Variants in RGS14 observed in about 807,000 individuals in gnomAD.
RGS14 encodes the protein regulator of G protein signaling 14.
In RGS14, 33 loss-of-function variants were observed where a neutral mutation model predicts 63.8. The ratio of observed to expected loss-of-function variants is 0.52; its 90% CI spans 0.39 to 0.69. The LOEUF is 0.69. Among genes scored for constraint, RGS14 ranks in the 30% least tolerant of loss-of-function variants. RGS14 has a pLI of 0.00. For synonymous variants in RGS14, 296 were observed against 320.9 expected (o/e 0.92, Z 0.83); for missense variants, 739 against 742.9 (o/e 0.99, Z 0.06).
intron 5 of RGS14, 59 bp from the exon 6 acceptor site, chr5:177,367,355 C>T: frequency 6.6e-7 from 1 of 1,522,724 alleles, no homozygotes; most frequent in Non-Finnish European, 8.9e-7. Flanking sequence ...GGCCTGGGTG[C>T]AGGCAGCCCA....
chr5:177,368,274 G>T lies in RGS14; in HGVS notation c.849+8G>T. On this transcript the variant is annotated splice_region_variant and intron_variant, in intron 8 of 14. Transcript: ENST00000408923. ...GTCAGCAGCAAATCTGAGGTGAGCC[G>T]ACTGTTGGGGAAGACAAGATGCTCT... The T allele has an allele frequency of 2.5e-6, 4 of 1,605,690 alleles. No individual in the cohort carries two copies. Among genetic ancestry groups the T allele is most frequent in the South Asian group, 2.2e-5 (2 of 90,304 alleles).
intron 9 of RGS14, 24 bp from the exon 10 acceptor site, chr5:177,370,567 G>C: frequency 6.2e-7 from 1 of 1,611,922 alleles, no homozygotes; most frequent in South Asian, 1.1e-5. Context: ...GGGACTCTTA[G>C]ACCCTGCCTG....
chr5:177,358,022 G>T lies in RGS14; in HGVS notation c.-3G>T. 1 of 1,359,118 alleles carries T rather than the reference G, an allele frequency of 7.4e-7. No individual in the cohort carries two copies. Among genetic ancestry groups the T allele is most frequent in the Non-Finnish European group, 9.6e-7 (1 of 1,045,988 alleles). The allele number at this position is 1,359,118 out of a possible 1,614,324, so 84.2% of individuals were successfully genotyped here. On this transcript the variant is annotated 5_prime_UTR_variant, in exon 1 of 15. Transcript: ENST00000408923. The surrounding 1 kb of genome is among the most constrained non-coding windows in gnomAD (Gnocchi z 4.8). ...GCGGCGGGGACCCCTGATCGGCAGC[G>T]GCATGCCAGGGAAGCCCAAGCACCT... is the stretch of plus-strand genomic sequence containing the variant.
intron 4 of RGS14, 27 bp downstream of exon 4, chr5:177,366,827 G>C: frequency 1.2e-6 from 2 of 1,614,132 alleles, no homozygotes. Flanking sequence ...CTGGGGCCGA[G>C]GGCTGGGGAG....
chr5:177,368,120 G>C (rs778420400), intron 7 of RGS14, 37 bp from the exon 8 acceptor site: 2 of 1,602,052 alleles, frequency 1.2e-6, no homozygotes, highest in Non-Finnish European at 1.7e-6. Flanking sequence ...GGGTGAGGGC[G>C]GGGGGCTGTT....
Position 177,368,720 on chromosome 5 carries a change from C to A in RGS14, c.853C>A (p.His285Asn). ...LAFVSSKSES[H>N]RKSLGSTEGE... ...CCCCACTCCTGCCATGAATCAGAGC[C>A]ACCGGAAGAGCCTTGGGAGCACGGA... Residue 285 changes from histidine (H) to asparagine (N), a missense_variant, in exon 9 of 15, where the codon CAC (histidine) becomes AAC (asparagine). By Grantham distance (68) the His-to-Asn change is moderately conservative. Transcript: ENST00000408923. 4 of 1,614,000 alleles carry A rather than the reference C, an allele frequency of 2.5e-6. No homozygotes were observed. Among genetic ancestry groups the A allele is most frequent in the Non-Finnish European group, 2.5e-6 (3 of 1,179,948 alleles).
At position 177,371,078 on chromosome 5, in the gene RGS14, GCCGGGGC is replaced by G. The variant is rs1561618756; in HGVS notation, c.1254+49_1254+55del. 9.5e-5 allele frequency: 29 copies of G among 306,592 alleles called. No homozygotes were observed. In the African/African-American group the frequency reaches 1.2e-3, roughly 12 times the overall value. The allele number at this position is 306,592 out of a possible 1,614,324, so 19.0% of individuals were successfully genotyped here. A position where few individuals can be genotyped will look rare whatever the true frequency, so the allele number is the denominator to read the frequency against. On this transcript the variant is annotated intron_variant, in intron 11 of 14. Transcript: ENST00000408923. The surrounding 1 kb of genome is among the most constrained non-coding windows in gnomAD (Gnocchi z 6.1). ...CGGGGCGGGGCGGGGCCGGGCCGGG[GCCGGGGC>G]CGGGGCCGGGGCCGGGGCCGGGGCC...
At position 177,371,991 on chromosome 5, in the gene RGS14, C is replaced by G; in HGVS notation, c.1617C>G (p.Ser539Arg). The G allele has an allele frequency of 6.2e-7, 1 of 1,614,172 alleles. No individual in the cohort carries two copies. ...EFLQLPAQGP[S>R]SEETPPQTKS... ...TGCAGCTGCCCGCCCAAGGGCCCAG[C>G]TCCGAGGAGACCCCACCACAGACCA... Residue 539 changes from serine (S) to arginine (R), a missense_variant, in exon 15 of 15, where the codon AGC (serine) becomes AGG (arginine). Coordinates refer to ENST00000408923, the MANE Select transcript of RGS14 (RefSeq NM_006480.5). The surrounding 1 kb of genome is among the most constrained non-coding windows in gnomAD (Gnocchi z 6.1).
chr5:177,368,673 T>C (rs1762166690), intron 8 of RGS14, 44 bp from the exon 9 acceptor site: 14 of 1,590,308 alleles, frequency 8.8e-6, no homozygotes, highest in Non-Finnish European at 1.2e-5. Context: ...GTGCATGCCC[T>C]TGCATGTGTA....
chr5:177,367,478 G>A lies in RGS14; in HGVS notation c.548G>A (p.Cys183Tyr). Residue 183 changes from cysteine (C) to tyrosine (Y), a missense_variant, in exon 6 of 15, where the codon TGC (cysteine) becomes TAC (tyrosine). Physicochemically the swap from Cys to Tyr is radical, Grantham distance 194. Transcript: ENST00000408923. Reference protein sequence around the residue: ...RFVKSPLYRECLLAEAEGRPL... With the variant: ...RFVKSPLYREYLLAEAEGRPL... ...GTCAAGTCCCCGCTGTACCGCGAGT[G>A]CCTGCTAGCCGAAGCCGAGGGACGC... is the stretch of plus-strand genomic sequence containing the variant. 1 of 1,612,870 alleles carries A rather than the reference G, an allele frequency of 6.2e-7. No homozygotes were observed. Among genetic ancestry groups the A allele is most frequent in the Non-Finnish European group, 8.5e-7 (1 of 1,179,504 alleles).
At position 177,358,075 on chromosome 5, in the gene RGS14, T is replaced by G; in HGVS notation, c.45+6T>G. ...GCGTCCCCAACGGGCGCATGGTGAG[T>G]GTGGGCTCCGGGCCAGGGCCACGAG... On this transcript the variant is annotated splice_donor_region_variant and intron_variant, in intron 1 of 14. Transcript: ENST00000408923. The surrounding 1 kb of genome is among the most constrained non-coding windows in gnomAD (Gnocchi z 4.8). The G allele has an allele frequency of 7.4e-7, 1 of 1,346,308 alleles. No homozygotes were observed. Among genetic ancestry groups the G allele is most frequent in the South Asian group, 2.0e-5 (1 of 50,836 alleles). 83.4% of individuals were successfully genotyped at this position (1,346,308 alleles called of 1,614,324 possible). A position where few individuals can be genotyped will look rare whatever the true frequency, so the allele number is the denominator to read the frequency against.
chr5:177,360,083 A>G (rs1761927991), intron 1 of RGS14, among the ~76,000 whole-genome samples: 1 of 152,054 alleles, frequency 6.6e-6, no homozygotes, highest in African/African-American at 2.4e-5. Flanking sequence ...TCACTTGGAG[A>G]CATCTCCCAG....
intron 7 of RGS14, 103 bp from the exon 8 acceptor site, chr5:177,368,054 C>A: frequency 6.6e-7 from 1 of 1,523,142 alleles, no homozygotes; most frequent in Non-Finnish European, 8.8e-7. Flanking sequence ...ACCTGGGCCC[C>A]TGCAGGATGG....
Position 177,367,488 on chromosome 5 carries a change from C to A in RGS14, c.558C>A (p.Ala186=), listed in dbSNP as rs749313728. Residue 186 remains alanine (A), a synonymous_variant, in exon 6 of 15, where the codon GCC becomes GCA. Coordinates refer to ENST00000408923, the MANE Select transcript of RGS14 (RefSeq NM_006480.5). ...KSPLYRECLL[A]EAEGRPLREP... Reference sequence around the variant, plus strand: ...CGCTGTACCGCGAGTGCCTGCTAGCCGAAGCCGAGGGACGCCCTCTGCGGG... The same window carrying A: ...CGCTGTACCGCGAGTGCCTGCTAGCAGAAGCCGAGGGACGCCCTCTGCGGG... The A allele has an allele frequency of 1.2e-6, 2 of 1,612,656 alleles. No individual in the cohort carries two copies. Among genetic ancestry groups the A allele is most frequent in the Non-Finnish European group, 1.7e-6 (2 of 1,179,468 alleles).
rs1554094034 is a variant in RGS14 at position 177,371,075 on chromosome 5, G to GGGGCCGGGGCCGGGCCGGGGCC, written c.1254+58_1254+59insCCGGGGCCGGGCCGGGGCCGGG. The GGGGCCGGGGCCGGGCCGGGGCC allele has an allele frequency of 4.5e-5, 8 of 176,688 alleles. No individual in the cohort carries two copies. In the African/African-American group the frequency reaches 6.8e-4, roughly 15 times the overall value. The allele number at this position is 176,688 out of a possible 1,614,324, so 10.9% of individuals were successfully genotyped here. A position where few individuals can be genotyped will look rare whatever the true frequency, so the allele number is the denominator to read the frequency against. On this transcript the variant is annotated intron_variant, in intron 11 of 14. Coordinates refer to ENST00000408923, the MANE Select transcript of RGS14 (RefSeq NM_006480.5). The surrounding 1 kb of genome is among the most constrained non-coding windows in gnomAD (Gnocchi z 6.1). ...GGGCGGGGCGGGGCGGGGCCGGGCC[G>GGGGCCGGGGCCGGGCCGGGGCC]GGGCCGGGGCCGGGGCCGGGGCCGG...
Position 177,360,811 on chromosome 5 carries a change from G to A in RGS14, c.45+2742G>A, listed in dbSNP as rs576022277. On this transcript the variant is annotated intron_variant, in intron 1 of 14. Transcript: ENST00000408923. Reference sequence around the variant, plus strand: ...GCCTGTAGTCCCAGCTACTTGGGAGGCTAAGGCAGGAGAATTGCTTGAACC... The same window carrying A: ...GCCTGTAGTCCCAGCTACTTGGGAGACTAAGGCAGGAGAATTGCTTGAACC... Among the ~76,000 whole-genome samples, 4 of 152,332 alleles carry A rather than the reference G, an allele frequency of 2.6e-5. No individual in the cohort carries two copies. The South Asian group carries it at 8.3e-4, about 32-fold the overall frequency.
At chr5:177,362,319 G>C (rs1009023753) in intron 1 of RGS14, among the ~76,000 whole-genome samples, 4 of 152,204 alleles carry the variant, frequency 2.6e-5, no homozygotes, top group African/African-American at 7.2e-5. Context: ...GGGGCTGAGA[G>C]TCCCTAGTGA....
rs371392644 is a variant in RGS14 at position 177,366,217 on chromosome 5, C to T, written c.108C>T (p.Gly36=). Residue 36 remains glycine, a synonymous_variant, in exon 3 of 15, where the codon GGC becomes GGT. Coordinates refer to ENST00000408923, the MANE Select transcript of RGS14 (RefSeq NM_006480.5). ...STTGPQGQGE[G]RGSSLSIHSL... ...CGGGGCCCCAGGGCCAGGGCGAGGG[C>T]CGCGGCAGCTCTCTCAGCATCCACA... 7.5e-6 allele frequency: 12 copies of T among 1,604,508 alleles called. No individual in the cohort carries two copies. Among genetic ancestry groups the T allele is most frequent in the Non-Finnish European group, 1.0e-5 (12 of 1,176,680 alleles).
Position 177,368,746 on chromosome 5 carries a change from G to A in RGS14, c.879G>A (p.Glu293=). 6.2e-7 allele frequency: 1 copy of A among 1,614,260 alleles called. No individual in the cohort carries two copies. Among genetic ancestry groups the A allele is most frequent in the Middle Eastern group, 1.7e-4 (1 of 6,058 alleles). Residue 293 remains glutamate (E), a synonymous_variant, in exon 9 of 15, where the codon GAG becomes GAA. Coordinates refer to ENST00000408923, the MANE Select transcript of RGS14 (RefSeq NM_006480.5). ...ACCGGAAGAGCCTTGGGAGCACGGA[G>A]GGTGAAAGTGAAAGCCGGCCAGGGA... The part of the protein sequence containing the change: ...ESHRKSLGST[E]GESESRPGKY...
Sources: gnomAD v4.1 joint callset for allele counts (sites outside exome capture counted in the v4.1 genomes callset) on GRCh38, gnomAD v4.1.1 for gene constraint, Gnocchi (gnomAD v3.1) non-coding constraint, MANE v1.5 for transcripts, NCBI Gene and HGNC (gene_info 2026-07-23, HGNC 2026-07-21) for gene names.